CFAP54: variants seen among roughly 807,000 people sequenced by gnomAD.
The protein encoded by CFAP54 is cilia and flagella associated protein 54.
Under a neutral mutation model 370.4 loss-of-function variants are expected in CFAP54, and 290 were observed. The observed-to-expected ratio is 0.78, with a 90% CI of 0.71 to 0.86. The LOEUF (loss-of-function observed/expected upper bound fraction) is 0.86. CFAP54 is among the 40% of genes least tolerant of loss of function. The pLI is 0.00. For synonymous variants in CFAP54, 1,206 were observed against 1,236.5 expected (o/e 0.98, Z 0.52); for missense variants, 3,399 against 3,528.7 (o/e 0.96, Z 0.93).
intron 36 of CFAP54, among the ~76,000 whole-genome samples, chr12:96,655,102 T>C (rs1193062280): frequency 6.6e-6 from 1 of 152,008 alleles, no homozygotes; most frequent in East Asian, 1.9e-4. Flanking sequence ...TTACTAAAGC[T>C]ATGGTAATTA....
chr12:96,817,583 G>A (rs1043356842), intron 64 of CFAP54, among the ~76,000 whole-genome samples, 192 bp from the exon 65 acceptor site: 2 of 151,548 alleles, frequency 1.3e-5, no homozygotes, highest in Admixed American at 1.3e-4. Flanking sequence ...ACCACACCTG[G>A]CTAATTTTTT....
rs778628681 is a variant in CFAP54 at position 96,691,151 on chromosome 12, A to G, written c.6105A>G (p.Pro2035=). 1.9e-5 allele frequency: 31 copies of G among 1,613,358 alleles called. No homozygotes were observed. The highest frequency in any genetic ancestry group is 1.3e-4 in the Admixed American group (8 of 59,914). The change falls in exon 44 of 68, where the codon CCA becomes CCG. Residue 2035 remains proline (P), a synonymous_variant. Transcript: ENST00000524981. ...LFQGLLRTTL[P]HPKAERCYAQ... ...AGGGTTTGCTTAGAACAACACTTCC[A>G]CATCCCAAAGCTGAACGTTGCTATG... is the stretch of plus-strand genomic sequence containing the variant.
At chr12:96,780,193 C>A (rs1315170928) in intron 60 of CFAP54, among the ~76,000 whole-genome samples, 1 of 151,900 alleles carries the variant, frequency 6.6e-6, no homozygotes, top group Non-Finnish European at 1.5e-5. Context: ...AATTTTTATG[C>A]CCAATTAATT....
intron 67 of CFAP54, among the ~76,000 whole-genome samples, chr12:96,868,367 G>A (rs1960060971): frequency 6.7e-6 from 1 of 148,254 alleles, no homozygotes; most frequent in Admixed American, 6.7e-5. Flanking sequence ...TTGGTCCACT[G>A]TATATTTTTC....
At chr12:96,716,357 C>T (rs1052633587) in intron 48 of CFAP54, among the ~76,000 whole-genome samples, 1 of 152,206 alleles carries the variant, frequency 6.6e-6, no homozygotes, top group Non-Finnish European at 1.5e-5. Context: ...CTGCCTGAAA[C>T]CTGCCTGAAC....
At chr12:96,558,863 C>T (rs1220648527) in intron 17 of CFAP54, among the ~76,000 whole-genome samples, 2 of 152,050 alleles carry the variant, frequency 1.3e-5, no homozygotes, top group African/African-American at 4.8e-5. Flanking sequence ...GCAACCAGAG[C>T]AAAATGGACA....
intron 62 of CFAP54, 59 bp from the exon 63 acceptor site, chr12:96,792,270 T>C: frequency 7.5e-7 from 1 of 1,335,880 alleles, no homozygotes; most frequent in South Asian, 1.6e-5. Flanking sequence ...ATAATTTGTT[T>C]CATATATGTA....
chr12:96,585,026 T>G (rs1390323702), intron 22 of CFAP54, among the ~76,000 whole-genome samples: 2 of 82,298 alleles, frequency 2.4e-5, no homozygotes, highest in African/African-American at 9.0e-5. Flanking sequence ...AAGAGTCTGA[T>G]CTCTCTCTCT....
chr12:96,856,858 C>A (rs1003703408), intron 66 of CFAP54, among the ~76,000 whole-genome samples: 1 of 152,196 alleles, frequency 6.6e-6, no homozygotes, highest in African/African-American at 2.4e-5. Flanking sequence ...TACCCCACTT[C>A]TGTTACCAAC....
chr12:96,756,436 TTG>T lies in CFAP54; in HGVS notation c.7841-20_7841-19del. On this transcript the variant is annotated intron_variant, in intron 56 of 67. Coordinates refer to ENST00000524981, the MANE Select transcript of CFAP54 (RefSeq NM_001306084.2). ...GTGCTAGAAAAAGGAAAAACCATCT[TTG>T]TATCTTTTTCTTCTTTCAGGCAAAA... The T allele has an allele frequency of 7.1e-7, 1 of 1,411,492 alleles. No individual in the cohort carries two copies. The highest frequency in any genetic ancestry group is 1.4e-5 in the African/African-American group (1 of 68,994). 87.4% of individuals were successfully genotyped at this position (1,411,492 alleles called of 1,614,324 possible).
rs148776024 is a variant in CFAP54, at chr12:96,554,438, C to G, written c.2283+128C>G. On this transcript the variant is annotated intron_variant, in intron 16 of 67. Transcript: ENST00000524981. ...TCTCATAGGCCAGAAATATATTTCCCTCTTCCCAGAAGAGAGCTAGGAGAA... is the reference window on the plus strand; with the variant it reads ...TCTCATAGGCCAGAAATATATTTCCGTCTTCCCAGAAGAGAGCTAGGAGAA... 3.3e-4 allele frequency: 404 copies of G among 1,230,074 alleles called. No individual in the cohort carries two copies. In the African/African-American group the frequency reaches 5.2e-3, roughly 16 times the overall value. 76.2% of individuals were successfully genotyped at this position (1,230,074 alleles called of 1,614,324 possible). A position where few individuals can be genotyped will look rare whatever the true frequency, so the allele number is the denominator to read the frequency against.
At chr12:96,602,052 G>C (rs747850735) in intron 26 of CFAP54, among the ~76,000 whole-genome samples, 3 of 152,100 alleles carry the variant, frequency 2.0e-5, no homozygotes, top group Non-Finnish European at 4.4e-5. Flanking sequence ...TGATGTTAGG[G>C]TGTCAATCTT....
intron 39 of CFAP54, among the ~76,000 whole-genome samples, chr12:96,674,805 C>T (rs1957186255): frequency 6.6e-6 from 1 of 152,114 alleles, no homozygotes; most frequent in Non-Finnish European, 1.5e-5. Flanking sequence ...CCCTTTGGTG[C>T]CAGGCACAGT....
intron 62 of CFAP54, among the ~76,000 whole-genome samples, chr12:96,789,835 T>C (rs1958669158): frequency 6.6e-6 from 1 of 152,176 alleles, no homozygotes; most frequent in South Asian, 2.1e-4. Context: ...TGAAGCCACC[T>C]CATCATGTGT....
chr12:96,527,141 C>G, intron 8 of CFAP54, 105 bp from the exon 9 acceptor site: 2 of 1,007,134 alleles, frequency 2.0e-6, no homozygotes, highest in Non-Finnish European at 2.7e-6. Flanking sequence ...AAGCAATCCT[C>G]CTGCCTTGGC....
At chr12:96,732,942 C>G (rs995245810) in intron 50 of CFAP54, among the ~76,000 whole-genome samples, 1 of 152,088 alleles carries the variant, frequency 6.6e-6, no homozygotes, top group African/African-American at 2.4e-5. Flanking sequence ...TTCCCCAGCT[C>G]TCTGTGTATC....
At chr12:96,628,096 T>C (rs1052078397) in intron 30 of CFAP54, among the ~76,000 whole-genome samples, 1 of 152,198 alleles carries the variant, frequency 6.6e-6, no homozygotes, top group African/African-American at 2.4e-5. Context: ...CACGAAGATG[T>C]GTAGCAGGTG....
chr12:96,768,285 C>G (rs1311819530), intron 60 of CFAP54, among the ~76,000 whole-genome samples: 1 of 151,844 alleles, frequency 6.6e-6, no homozygotes, highest in Non-Finnish European at 1.5e-5. Flanking sequence ...CGCACCATTG[C>G]ACTCCAGCCT....
At chr12:96,658,647 A>G (rs1156892756) in intron 38 of CFAP54, among the ~76,000 whole-genome samples, 1 of 151,732 alleles carries the variant, frequency 6.6e-6, no homozygotes, top group Non-Finnish European at 1.5e-5. Context: ...TTTGTTTTAG[A>G]TGAAGTCTCA....
Sources: allele counts gnomAD v4.1 joint callset (sites outside exome capture counted in the v4.1 genomes callset), GRCh38; gene constraint gnomAD v4.1.1; transcripts MANE v1.5; gene names NCBI Gene and HGNC (gene_info 2026-07-23, HGNC 2026-07-21).